Variants in TULP4 observed in about 807,000 individuals in gnomAD.
The protein encoded by TULP4 is TUB like protein 4.
Under a neutral mutation model 129.0 loss-of-function variants are expected in TULP4, and 16 were observed. The observed-to-expected ratio is 0.12, with a 90% confidence interval of 0.08 to 0.19. The LOEUF (loss-of-function observed/expected upper bound fraction) is 0.19. Ranked by LOEUF, TULP4 falls within the 10% of genes least tolerant of loss-of-function variation. The pLI, the probability that TULP4 is intolerant of heterozygous loss-of-function variation, is 1.00. For synonymous variants in TULP4, 998 were observed against 854.0 expected (o/e 1.17, Z -2.94); for missense variants, 1,842 against 2,059.1 (o/e 0.89, Z 2.04).
intron 1 of TULP4, among the ~76,000 whole-genome samples, chr6:158,243,834 A>G (rs941089868): frequency 7.1e-6 from 1 of 140,782 alleles, no homozygotes; most frequent in Admixed American, 7.5e-5. Flanking sequence ...TCATTTAGTT[A>G]TTAGCTGAAA....
intron 1 of TULP4, among the ~76,000 whole-genome samples, chr6:158,380,336 A>G (rs1319899989): frequency 6.6e-6 from 1 of 152,150 alleles, no homozygotes; most frequent in Non-Finnish European, 1.5e-5. Context: ...ATGCTGAATC[A>G]ATGTTTCTCA....
At chr6:158,273,339 CTTTA>C (rs535189792) in intron 1 of TULP4, among the ~76,000 whole-genome samples, 44 of 149,472 alleles carry the variant, frequency 2.9e-4, no homozygotes, top group African/African-American at 1.0e-3. Flanking sequence ...GGCTCCCTAC[CTTTA>C]TTTACCTGAC....
In TULP4 at chr6:158,241,345, C is replaced by T. The variant is rs1010464090; in HGVS notation, n.68+9042C>T. ...ACTCCTCACTTCCCAGACGGGGTGG[C>T]GGCCGGGCAGAGGCTGCAATCTCGG... On this transcript the variant is annotated intron_variant and non_coding_transcript_variant, in intron 1 of 1. Transcript: ENST00000620026. Among the ~76,000 whole-genome samples, 7 of 130,370 alleles carry T rather than the reference C, an allele frequency of 5.4e-5. 1 individual carries two copies. Among genetic ancestry groups the T allele is most frequent in the Non-Finnish European group, 1.2e-4 (7 of 57,234 alleles). 85.5% of individuals were successfully genotyped at this position (130,370 alleles called of 152,430 possible).
At chr6:158,451,983 A>T in intron 4 of TULP4, 151 bp from the exon 5 acceptor site, 1 of 1,178,026 alleles carries the variant, frequency 8.5e-7, no homozygotes, top group Non-Finnish European at 1.2e-6. Context: ...CCTGAATGAT[A>T]TAGAATGTTT....
chr6:158,243,163 A>G (rs963924636), intron 1 of TULP4, among the ~76,000 whole-genome samples: 3 of 152,162 alleles, frequency 2.0e-5, no homozygotes, highest in Admixed American at 6.6e-5. Context: ...AGCTTTGGCA[A>G]TTTTAAAACG....
rs1374295519 is a variant in TULP4, at chr6:158,312,683, C to T, written c.-1334C>T. The T allele has an allele frequency of 6.6e-6, 1 of 151,622 alleles. No homozygotes were observed. Among genetic ancestry groups the T allele is most frequent in the Non-Finnish European group, 1.5e-5 (1 of 67,702 alleles). 9.4% of individuals were successfully genotyped at this position (151,622 alleles called of 1,614,324 possible). ...GAGAAATTTTAATTTATTATTCCCC[C>T]CCTTTTTTCCTGCATCTATAGGATA... On this transcript the variant is annotated 5_prime_UTR_variant, in exon 1 of 14. Coordinates refer to ENST00000367097, the MANE Select transcript of TULP4 (RefSeq NM_020245.5).
upstream of TULP4, among the ~76,000 whole-genome samples, chr6:158,278,247 G>A (rs1778681131): frequency 6.6e-6 from 1 of 152,154 alleles, no homozygotes; most frequent in Non-Finnish European, 1.5e-5. Context: ...AAGGTGTCTG[G>A]CCTGTACTGT....
At chr6:158,349,479 T>G (rs10455816) in intron 1 of TULP4, among the ~76,000 whole-genome samples, 111,631 of 126,670 alleles carry the variant, frequency 0.88, 48,923 homozygotes, top group South Asian at 0.93. Flanking sequence ...CCCAGATGGG[T>G]TGGCAGCTGG....
chr6:158,406,601 T>C (rs1005675709), intron 1 of TULP4, among the ~76,000 whole-genome samples: 2 of 152,198 alleles, frequency 1.3e-5, no homozygotes, highest in Non-Finnish European at 2.9e-5. Flanking sequence ...AAGATGAAAG[T>C]ATTAACTGTT....
At chr6:158,505,551 T>C (rs183309510) in intron 13 of TULP4, among the ~76,000 whole-genome samples, 42 of 152,360 alleles carry the variant, frequency 2.8e-4, no homozygotes, top group Admixed American at 1.8e-3. Context: ...GCCCCTGCTA[T>C]AGTGCTAGGA....
intron 1 of TULP4, among the ~76,000 whole-genome samples, chr6:158,395,591 AAAAAAG>A (rs1409207905): frequency 6.9e-6 from 1 of 145,086 alleles, no homozygotes; most frequent in Non-Finnish European, 1.5e-5. Context: ...AAAAAAAAAA[AAAAAAG>A]GAAGACCTGA....
chr6:158,333,987 C>T (rs1167381056), intron 1 of TULP4, among the ~76,000 whole-genome samples: 1 of 152,150 alleles, frequency 6.6e-6, no homozygotes, highest in Non-Finnish European at 1.5e-5. Flanking sequence ...TAGCCTCGTC[C>T]TGTTGCTATT....
intron 1 of TULP4, among the ~76,000 whole-genome samples, chr6:158,247,198 T>A (rs956738915): frequency 1.3e-5 from 2 of 152,226 alleles, no homozygotes; most frequent in Non-Finnish European, 2.9e-5. Flanking sequence ...TTTTAACATG[T>A]ATCCCAGTTT....
At chr6:158,314,658 C>T (rs1434964615) in intron 1 of TULP4, among the ~76,000 whole-genome samples, 1 of 152,214 alleles carries the variant, frequency 6.6e-6, no homozygotes, top group Non-Finnish European at 1.5e-5. Flanking sequence ...ACCCCCACCC[C>T]TGATGTCCCA....
intron 1 of TULP4, among the ~76,000 whole-genome samples, chr6:158,395,581 A>G (rs559759961): frequency 0.026 from 3,288 of 126,902 alleles, 105 homozygotes; most frequent in African/African-American, 0.088. Context: ...AACTCTGTCT[A>G]AAAAAAAAAA....
intron 1 of TULP4, among the ~76,000 whole-genome samples, chr6:158,336,626 A>G (rs1460111531): frequency 2.0e-5 from 3 of 152,188 alleles, no homozygotes; most frequent in Non-Finnish European, 4.4e-5. Flanking sequence ...TTCATTCATG[A>G]CTTCCTTATA....
At chr6:158,389,958 A>G (rs1461100762) in intron 1 of TULP4, among the ~76,000 whole-genome samples, 1 of 151,814 alleles carries the variant, frequency 6.6e-6, no homozygotes, top group African/African-American at 2.4e-5. Context: ...TAAAAATATA[A>G]AAGTTAGCCG....
chr6:158,460,528 C>G (rs1779399262), intron 5 of TULP4, among the ~76,000 whole-genome samples: 3 of 152,222 alleles, frequency 2.0e-5, no homozygotes, highest in Admixed American at 1.3e-4. Flanking sequence ...GTAAATTGCT[C>G]TCATTGGGAT....
chr6:158,242,970 G>C (rs1164305455), intron 1 of TULP4, among the ~76,000 whole-genome samples: 1 of 152,120 alleles, frequency 6.6e-6, no homozygotes, highest in Non-Finnish European at 1.5e-5. Flanking sequence ...GTTGTTTTTA[G>C]TAGAGACAGG....
Sources: allele counts gnomAD v4.1 joint callset (sites outside exome capture counted in the v4.1 genomes callset), GRCh38; gene constraint gnomAD v4.1.1; transcripts MANE v1.5; gene names NCBI Gene and HGNC (gene_info 2026-07-23, HGNC 2026-07-21).